CSGALNACT1: variants seen among roughly 807,000 people sequenced by gnomAD.
CSGALNACT1 encodes chondroitin sulfate N-acetylgalactosaminyltransferase 1.
Under a neutral mutation model 51.0 loss-of-function variants are expected in CSGALNACT1, and 52 were observed. The observed-to-expected ratio is 1.02, with a 90% CI of 0.82 to 1.29. The LOEUF is 1.29. Among genes scored for constraint, CSGALNACT1 ranks in the 50% most tolerant of loss-of-function variants. The pLI is 0.00. For missense variants in CSGALNACT1, 935 were observed against 679.2 expected (o/e 1.38, Z -4.19); for synonymous variants, 341 against 254.4 (o/e 1.34, Z -3.24).
At chr8:19,442,334 G>A (rs201338224) in intron 5 of CSGALNACT1, among the ~76,000 whole-genome samples, 1 of 152,070 alleles carries the variant, frequency 6.6e-6, no homozygotes, top group East Asian at 1.9e-4. Flanking sequence ...GTCCAACAAT[G>A]ACAGAGTGGA....
chr8:19,427,941 G>C (rs2059032435), intron 6 of CSGALNACT1, among the ~76,000 whole-genome samples: 1 of 152,142 alleles, frequency 6.6e-6, no homozygotes, highest in Non-Finnish European at 1.5e-5. Flanking sequence ...TGTGCCCCAG[G>C]TGAGGGAAGC....
At chr8:19,592,116 G>A (rs543225612) in intron 2 of CSGALNACT1, among the ~76,000 whole-genome samples, 31 of 152,236 alleles carry the variant, frequency 2.0e-4, no homozygotes, top group Middle Eastern at 6.8e-3. Context: ...ACAAAGAAAC[G>A]CTATGAAAAT....
chr8:19,745,800 C>A (rs1462448124), intron 1 of CSGALNACT1, among the ~76,000 whole-genome samples: 2 of 152,088 alleles, frequency 1.3e-5, no homozygotes, highest in African/African-American at 4.8e-5. Flanking sequence ...ACGCGTATTG[C>A]AAGGGAAGAA....
intron 3 of CSGALNACT1, among the ~76,000 whole-genome samples, chr8:19,561,204 G>C (rs546397231): frequency 1.3e-5 from 2 of 152,256 alleles, no homozygotes; most frequent in East Asian, 3.9e-4. Context: ...ACTCATGGAA[G>C]GTTATGGACA....
At chr8:19,554,204 A>G (rs150477388) in intron 3 of CSGALNACT1, among the ~76,000 whole-genome samples, 405 of 152,356 alleles carry the variant, frequency 2.7e-3, no homozygotes, top group African/African-American at 9.1e-3. Flanking sequence ...AGTACAAGTT[A>G]TCTGCAAGGG....
In CSGALNACT1 at chr8:19,744,363, T is replaced by C. The variant is rs535421496; in HGVS notation, c.-297+13487A>G. Among the ~76,000 whole-genome samples the C allele has an allele frequency of 1.4e-3, 219 of 152,310 alleles. 1 individual carries two copies. Among genetic ancestry groups the C allele is most frequent in the African/African-American group, 4.9e-3 (204 of 41,578 alleles). ...ATTGAATAAAACAACTTGGTTCAAA[T>C]AGATGGTCTTTGCTGTTTCTCAAAA... is the stretch of plus-strand genomic sequence containing the variant. On this transcript the variant is annotated intron_variant, in intron 1 of 1. Transcript: ENST00000517494.
At chr8:19,655,295 G>A (rs1212961787) in intron 1 of CSGALNACT1, among the ~76,000 whole-genome samples, 2 of 152,054 alleles carry the variant, frequency 1.3e-5, no homozygotes, top group African/African-American at 4.8e-5. Context: ...TCAAGAGAAG[G>A]CTCTTACCCA....
intron 1 of CSGALNACT1, among the ~76,000 whole-genome samples, chr8:19,658,688 C>G (rs909432622): frequency 3.3e-5 from 5 of 152,030 alleles, no homozygotes; most frequent in Non-Finnish European, 7.4e-5. Context: ...GAGCTGAGAT[C>G]GCGACACTGC....
chr8:19,745,963 G>A (rs539744649), intron 1 of CSGALNACT1, among the ~76,000 whole-genome samples: 2 of 152,276 alleles, frequency 1.3e-5, no homozygotes, highest in Admixed American at 6.5e-5. Flanking sequence ...AGGCAATTAC[G>A]ATGGATGAAT....
At chr8:19,529,286 G>C (rs1264143816) in intron 3 of CSGALNACT1, among the ~76,000 whole-genome samples, 1 of 152,188 alleles carries the variant, frequency 6.6e-6, no homozygotes, top group Non-Finnish European at 1.5e-5. Context: ...CTGCATAGCA[G>C]AAGAGTGAGA....
At chr8:19,715,310 T>G (rs1249784787) in intron 1 of CSGALNACT1, among the ~76,000 whole-genome samples, 1 of 151,802 alleles carries the variant, frequency 6.6e-6, no homozygotes, top group South Asian at 2.1e-4. Flanking sequence ...GAGATTTGGG[T>G]GGGGACACAG....
At chr8:19,520,639 T>A (rs1563873574) in intron 3 of CSGALNACT1, among the ~76,000 whole-genome samples, 1 of 152,218 alleles carries the variant, frequency 6.6e-6, no homozygotes, top group Non-Finnish European at 1.5e-5. Flanking sequence ...AATTATTTAA[T>A]CCAAGTTTTA....
At position 19,594,046 on chromosome 8, in the gene CSGALNACT1, C is replaced by A. The variant is rs148134837; in HGVS notation, c.-415-2768G>T. Among the ~76,000 whole-genome samples, 341 of 152,242 alleles carry A rather than the reference C, an allele frequency of 2.2e-3. 4 individuals are homozygous for A. Among genetic ancestry groups the A allele is most frequent in the African/African-American group, 7.5e-3 (311 of 41,526 alleles). ...TGGTGGAATATGCCATGAAGATGGT[C>A]AGGAGTGTGCATCTCAGAGGAGTGG... On this transcript the variant is annotated intron_variant, in intron 2 of 9. Coordinates refer to ENST00000454498, the Ensembl canonical transcript of CSGALNACT1.
In CSGALNACT1 at chr8:19,461,760, GA is replaced by G. The variant is rs1563528959; in HGVS notation, c.635-3119del. Among the ~76,000 whole-genome samples, 44 of 151,060 alleles carry G rather than the reference GA, an allele frequency of 2.9e-4. 5 individuals are homozygous for G. Among genetic ancestry groups the G allele is most frequent in the East Asian group, 9.7e-4 (5 of 5,138 alleles). ...CCGCACAGCGGCCACATTCACCATG[GA>G]GGGCGTATCTGCACAGCAGCCACAT... On this transcript the variant is annotated intron_variant, in intron 4 of 9. Coordinates refer to ENST00000454498, the Ensembl canonical transcript of CSGALNACT1.
At chr8:19,642,917 A>T (rs915631268) in intron 1 of CSGALNACT1, among the ~76,000 whole-genome samples, 5 of 152,194 alleles carry the variant, frequency 3.3e-5, no homozygotes, top group African/African-American at 1.2e-4. Context: ...ATTTCAAAAT[A>T]TAATTCAAAA....
At chr8:19,469,738 C>T (rs2067657213) in intron 4 of CSGALNACT1, among the ~76,000 whole-genome samples, 1 of 152,188 alleles carries the variant, frequency 6.6e-6, no homozygotes, top group African/African-American at 2.4e-5. Context: ...TGAAGCCCCC[C>T]ACCATCCCAC....
chr8:19,489,061 A>T (rs2073779735), intron 4 of CSGALNACT1, among the ~76,000 whole-genome samples: 1 of 152,142 alleles, frequency 6.6e-6, no homozygotes, highest in African/African-American at 2.4e-5. Flanking sequence ...GAAAATGGAG[A>T]TGAGAGATGG....
At chr8:19,667,658 T>C (rs1216809478) in intron 1 of CSGALNACT1, among the ~76,000 whole-genome samples, 1 of 151,358 alleles carries the variant, frequency 6.6e-6, no homozygotes, top group African/African-American at 2.4e-5. Flanking sequence ...CTTGAAACCC[T>C]AAGACTAACG....
chr8:19,622,632 G>A (rs949045677), intron 1 of CSGALNACT1, among the ~76,000 whole-genome samples: 2 of 152,136 alleles, frequency 1.3e-5, no homozygotes, highest in Non-Finnish European at 2.9e-5. Context: ...CCCTTGCATT[G>A]TCCAGGAAGT....
Sources: allele counts gnomAD v4.1 joint callset (sites outside exome capture counted in the v4.1 genomes callset), GRCh38; gene constraint gnomAD v4.1.1; transcripts MANE v1.5; gene names NCBI Gene and HGNC (gene_info 2026-07-23, HGNC 2026-07-21).